JAK3: variants seen among roughly 807,000 people sequenced by gnomAD.
The protein encoded by JAK3 is Janus kinase 3.
In JAK3, 88 loss-of-function variants were observed where a neutral mutation model predicts 120.8. That is an observed-to-expected ratio of 0.73 (90% CI 0.61 to 0.87). JAK3 has a LOEUF of 0.87. Ranked by LOEUF, JAK3 falls within the 40% of genes least tolerant of loss-of-function variation. The pLI, the probability that JAK3 is intolerant of heterozygous loss-of-function variation, is 0.00. For missense variants in JAK3, 1,254 were observed against 1,501.4 expected, an observed-to-expected ratio of 0.84 and a Z score of 2.72; for synonymous variants, 592 against 628.6, an observed-to-expected ratio of 0.94 and a Z score of 0.87.
chr19:17,844,314 G>A lies in JAK3; in HGVS notation c.104C>T (p.Pro35Leu), dbSNP rs200740037. 2.5e-6 allele frequency: 4 copies of A among 1,609,300 alleles called. No individual in the cohort carries two copies. In the East Asian group the frequency reaches 8.9e-5, roughly 36 times the overall value. The part of the protein sequence containing the change: ...ALHVLLPARG[P>L]GPPQRLSFSF... ...GAAAGATAGGCGCTGGGGGGGCCCG[G>A]GGCCCCGAGCGGGCAGCAGCACATG... The change falls in exon 2 of 24, where the codon CCC becomes CTC. Residue 35 changes from proline to leucine, a missense_variant. This residue lies in a region of JAK3 where 138 missense variants were observed against 178.7 expected (regional missense o/e 0.77). Transcript: ENST00000458235.
chr19:17,839,290 G>A, intron 10 of JAK3, 187 bp downstream of exon 10: 1 of 697,792 alleles, frequency 1.4e-6, no homozygotes, highest in East Asian at 2.7e-5. Context: ...ACATCTAGCT[G>A]TGCCTAGATC....
chr19:17,844,128 C>T (rs997796442), intron 2 of JAK3, 106 bp downstream of exon 2: 30 of 1,322,164 alleles, frequency 2.3e-5, no homozygotes, highest in Non-Finnish European at 3.1e-5. Context: ...TCCCCCAAAG[C>T]CCCAGCTCCG....
intron 10 of JAK3, 88 bp from the exon 11 acceptor site, chr19:17,838,478 C>G: frequency 6.6e-7 from 1 of 1,517,896 alleles, no homozygotes. Context: ...GTTTGAGGTA[C>G]CCTCTAGAAG....
chr19:17,846,440 G>A (rs2094252338), intron 1 of JAK3, among the ~76,000 whole-genome samples: 1 of 152,156 alleles, frequency 6.6e-6, no homozygotes. Context: ...CCAAGAATGA[G>A]CACATTCCTA....
In JAK3 at chr19:17,839,562, C is replaced by G; in HGVS notation, c.1356G>C (p.Glu452Asp). The G allele has an allele frequency of 6.2e-7, 1 of 1,609,378 alleles. No individual in the cohort carries two copies. Among genetic ancestry groups the G allele is most frequent in the Non-Finnish European group, 8.5e-7 (1 of 1,178,218 alleles). ...CCCCATCCCAGCAGGTTGCCAGGAG[C>G]TCTCGAAGACTGCTGTGGGGTCGGC... Reference protein sequence around the residue: ...GLSRPHSSLRELLATCWDGGL... With the variant: ...GLSRPHSSLRDLLATCWDGGL... The change falls in exon 10 of 24, where the codon GAG becomes GAC. Residue 452 changes from glutamate (E) to aspartate (D), a missense_variant. This residue lies in a region of JAK3 where 486 missense variants were observed against 503.0 expected (regional missense o/e 0.97). Transcript: ENST00000458235.
At position 17,825,013 on chromosome 19, in the gene JAK3, A is replaced by T. The variant is rs764344210; in HGVS notation, c.*1730T>A. 4.4e-6 allele frequency: 1 copy of T among 225,194 alleles called. No homozygotes were observed. 13.9% of individuals were successfully genotyped at this position (225,194 alleles called of 1,614,324 possible). ...TGGTAGCTGGAGTTTTGAGAGATGG[A>T]TAAGAGTTTTCCAAGGAGGCAAAAG... On this transcript the variant is annotated 3_prime_UTR_variant, in exon 24 of 24. Coordinates refer to ENST00000458235, the MANE Select transcript of JAK3 (RefSeq NM_000215.4).
chr19:17,844,818 G>T (rs1274289568), intron 1 of JAK3, among the ~76,000 whole-genome samples: 21 of 147,068 alleles, frequency 1.4e-4, no homozygotes, highest in Admixed American at 9.5e-4. Flanking sequence ...AAAAAAGAAA[G>T]AAAGAAAGAA....
chr19:17,838,812 T>C (rs959747920), intron 10 of JAK3, among the ~76,000 whole-genome samples: 3 of 148,828 alleles, frequency 2.0e-5, no homozygotes, highest in Non-Finnish European at 4.4e-5. Context: ...GCCTCCTGGG[T>C]TCAAGTAATT....
Position 17,831,227 on chromosome 19 carries a change from C to G in JAK3, c.2978+1G>C. 6.2e-7 allele frequency: 1 copy of G among 1,611,884 alleles called. No homozygotes were observed. Among genetic ancestry groups the G allele is most frequent in the Admixed American group, 1.7e-5 (1 of 59,974 alleles). On this transcript the variant is annotated splice_donor_variant, in intron 21 of 23. Transcript: ENST00000458235. LOFTEE classifies it high-confidence loss of function. The surrounding 1 kb of genome is among the most constrained non-coding windows in gnomAD (Gnocchi z 5.1). ...GCGGAGCCTAGGCGCGGGTTCCCCA[C>G]CAGAAAATGGGGCTCTGGCCTGGCT...
rs2094203396 is a variant in JAK3, at chr19:17,826,080, T to TAAAAA, written c.*662_*663insTTTTT. ...AGATCCTGTCTCTTAAAAATAATAA[T>TAAAAA]AATAAATTTAAAAAAAAAAAAGCCT... On this transcript the variant is annotated 3_prime_UTR_variant, in exon 24 of 24. Coordinates refer to ENST00000458235, the MANE Select transcript of JAK3 (RefSeq NM_000215.4). 1 of 131,888 alleles carries TAAAAA rather than the reference T, an allele frequency of 7.6e-6. No individual in the cohort carries two copies. The allele number at this position is 131,888 out of a possible 1,614,324, so 8.2% of individuals were successfully genotyped here.
chr19:17,842,478 C>T lies in JAK3; in HGVS notation c.699G>A (p.Ser233=), dbSNP rs761134330. ...GGTCCATGATGTACTTGGCCATGAG[C>T]GAGTGCCGGTCTGCCTGGCAGGCGG... ...RVAACQADRH[S]LMAKYIMDLE... is the part of the protein sequence containing the mutation. The change falls in exon 6 of 24, where the codon TCG becomes TCA. Residue 233 remains serine, a synonymous_variant. Coordinates refer to ENST00000458235, the MANE Select transcript of JAK3 (RefSeq NM_000215.4). The surrounding 1 kb of genome is among the most constrained non-coding windows in gnomAD (Gnocchi z 6.4). The T allele has an allele frequency of 1.9e-6, 3 of 1,599,358 alleles. No individual in the cohort carries two copies. The South Asian group carries it at 3.4e-5, about 18-fold the overall frequency.
chr19:17,840,133 T>C, intron 9 of JAK3, 97 bp downstream of exon 9: 1 of 842,526 alleles, frequency 1.2e-6, no homozygotes. Flanking sequence ...TCCCTCCTAT[T>C]CTTCAGGAAC....
Position 17,842,072 on chromosome 19 carries a change from C to T in JAK3, c.861+244G>A, listed in dbSNP as rs1160292388. Among the ~76,000 whole-genome samples the T allele has an allele frequency of 6.6e-6, 1 of 151,636 alleles. No individual in the cohort carries two copies. The highest frequency in any genetic ancestry group is 1.5e-5 in the Non-Finnish European group (1 of 67,934). ...CTCTTAGTCTTGCCTCGTTCCAGCGCCCACCCACCCACTCCTCAACCCCTC... is the reference window on the plus strand; with the variant it reads ...CTCTTAGTCTTGCCTCGTTCCAGCGTCCACCCACCCACTCCTCAACCCCTC... On this transcript the variant is annotated intron_variant, in intron 6 of 23. Transcript: ENST00000458235. The surrounding 1 kb of genome is among the most constrained non-coding windows in gnomAD (Gnocchi z 6.4).
rs779003034 is a variant in JAK3 at position 17,830,043 on chromosome 19, G to C, written c.3207+65C>G. The C allele has an allele frequency of 3.3e-6, 4 of 1,198,398 alleles. No individual in the cohort carries two copies. The South Asian group carries it at 5.2e-5, about 16-fold the overall frequency. The allele number at this position is 1,198,398 out of a possible 1,614,324, so 74.2% of individuals were successfully genotyped here. On this transcript the variant is annotated intron_variant, in intron 23 of 23. Coordinates refer to ENST00000458235, the MANE Select transcript of JAK3 (RefSeq NM_000215.4). ...CAGTACAGAGACTCAGGCGCCAGCT[G>C]GCTTGCCCGAGACCCCGGCCCAATC... is the stretch of plus-strand genomic sequence containing the variant.
rs893312067 is a variant in JAK3, at chr19:17,837,119, G to A, written c.1786+10C>T. The A allele has an allele frequency of 1.9e-6, 2 of 1,039,368 alleles. No individual in the cohort carries two copies. Among genetic ancestry groups the A allele is most frequent in the African/African-American group, 3.4e-5 (2 of 59,604 alleles). 64.4% of individuals were successfully genotyped at this position (1,039,368 alleles called of 1,614,324 possible). On this transcript the variant is annotated intron_variant, in intron 13 of 23. Transcript: ENST00000458235. ...GGCAGGGGTGGGGTGGGTGGGTGGG[G>A]GGCTCTCACTGTCTCCAGCCATGCA...
At chr19:17,838,426 C>T (rs751180766) in intron 10 of JAK3, 36 bp from the exon 11 acceptor site, 3 of 1,614,036 alleles carry the variant, frequency 1.9e-6, no homozygotes, top group Non-Finnish European at 1.7e-6. Context: ...AACCAGAAAT[C>T]AGAGGTGAAA....
intron 23 of JAK3, chr19:17,829,877 C>T (rs2094210570): frequency 1.7e-6 from 1 of 605,678 alleles, no homozygotes; most frequent in South Asian, 1.9e-5. Context: ...CTAATCTTCC[C>T]TCACCCTATA....
rs774939869 is a variant in JAK3, at chr19:17,835,092, T to G, written c.2038A>C (p.Ser680Arg). ...SDPGVSPAVL[S>R]LEMLTDRIPW... is the part of the protein sequence containing the mutation. Reference sequence around the variant, plus strand: ...ACCTCCAGGAACTTACTCTCCAGGCTTAACACAGCGGGGCTGACCCCAGGG... The same window carrying G: ...ACCTCCAGGAACTTACTCTCCAGGCGTAACACAGCGGGGCTGACCCCAGGG... The change falls in exon 15 of 24, where the codon AGC (serine) becomes CGC (arginine). Residue 680 changes from serine (S) to arginine (R), a missense_variant. Ser to Arg is a moderately radical substitution (Grantham distance 110). Coordinates refer to ENST00000458235, the MANE Select transcript of JAK3 (RefSeq NM_000215.4). 3.1e-6 allele frequency: 5 copies of G among 1,614,156 alleles called. No homozygotes were observed. Among genetic ancestry groups the G allele is most frequent in the Non-Finnish European group, 4.2e-6 (5 of 1,180,028 alleles).
intron 10 of JAK3, 161 bp downstream of exon 10, chr19:17,839,316 G>T (rs563142082): frequency 3.8e-5 from 28 of 733,990 alleles, no homozygotes; most frequent in Admixed American, 2.6e-4. Flanking sequence ...AGACCTAAAG[G>T]TTATATATCT....
Sources: allele counts gnomAD v4.1 joint callset (sites outside exome capture counted in the v4.1 genomes callset), GRCh38; gene constraint gnomAD v4.1.1; regional missense constraint gnomAD v4.1.1; non-coding constraint Gnocchi (gnomAD v3.1); transcripts MANE v1.5; gene names NCBI Gene and HGNC (gene_info 2026-07-23, HGNC 2026-07-21).